The following PLCXD3 variants were observed in gnomAD, a reference collection of about 807,000 sequenced individuals.
PLCXD3 encodes the protein phosphatidylinositol specific phospholipase C X domain containing 3.
Under a neutral mutation model 25.5 loss-of-function variants are expected in PLCXD3, and 19 were observed. The observed-to-expected ratio is 0.75, with a 90% CI of 0.52 to 1.09. The LOEUF is 1.09. Among genes scored for constraint, PLCXD3 ranks in the 50% least tolerant of loss-of-function variants. The pLI is 0.00. For synonymous variants in PLCXD3, 174 were observed against 137.6 expected, an observed-to-expected ratio of 1.26 and a Z score of -1.85; for missense variants, 411 against 388.1, an observed-to-expected ratio of 1.06 and a Z score of -0.50.
intron 1 of PLCXD3, among the ~76,000 whole-genome samples, chr5:41,490,061 G>T (rs999290553): frequency 1.4e-4 from 22 of 151,968 alleles, no homozygotes; most frequent in African/African-American, 5.3e-4. Context: ...GTATGATATT[G>T]GCTGTGGGTT....
chr5:41,381,758 A>C, intron 2 of PLCXD3, 68 bp downstream of exon 2: 2 of 1,416,074 alleles, frequency 1.4e-6, no homozygotes, highest in South Asian at 1.4e-5. Flanking sequence ...CAGCTTCATC[A>C]CTTATGAGCT....
In PLCXD3 at chr5:41,451,999, A is replaced by C. The variant is rs895767001; in HGVS notation, c.103+58425T>G. 3.3e-5 allele frequency among the ~76,000 whole-genome samples: 5 copies of C among 152,022 alleles called. No homozygotes were observed. In the East Asian group the frequency reaches 7.7e-4, roughly 23 times the overall value. The stretch of plus-strand genomic sequence containing the variant: ...ATCTTGATTGCCATACTTTCAGCTA[A>C]GTCTTGTTTTCTGCTCAAGGGATTG... On this transcript the variant is annotated intron_variant, in intron 1 of 2. Transcript: ENST00000377801.
chr5:41,400,148 A>G (rs541485063), intron 1 of PLCXD3, among the ~76,000 whole-genome samples: 1 of 152,218 alleles, frequency 6.6e-6, no homozygotes, highest in Admixed American at 6.5e-5. Context: ...ATATCATCTC[A>G]CTCCAGTTAA....
chr5:41,490,213 T>C (rs1056310727), intron 1 of PLCXD3, among the ~76,000 whole-genome samples: 1 of 152,226 alleles, frequency 6.6e-6, no homozygotes, highest in African/African-American at 2.4e-5. Flanking sequence ...TTGTCTTTGG[T>C]TCTGTTTATA....
At chr5:41,337,791 T>C (rs1744026779) in intron 2 of PLCXD3, among the ~76,000 whole-genome samples, 1 of 152,146 alleles carries the variant, frequency 6.6e-6, no homozygotes, top group Non-Finnish European at 1.5e-5. Flanking sequence ...AAGTTGTTAA[T>C]TCTATAATTT....
chr5:41,336,478 A>AT (rs1297590910), intron 2 of PLCXD3, among the ~76,000 whole-genome samples: 1 of 152,084 alleles, frequency 6.6e-6, no homozygotes, highest in East Asian at 1.9e-4. Flanking sequence ...AGTTACTTTC[A>AT]TTTTTTCTAG....
At chr5:41,318,792 A>G (rs112297486) in intron 2 of PLCXD3, among the ~76,000 whole-genome samples, 17 of 152,156 alleles carry the variant, frequency 1.1e-4, no homozygotes, top group Non-Finnish European at 2.4e-4. Flanking sequence ...TCCAATCAAA[A>G]GACATAGCCT....
At chr5:41,401,623 C>A (rs751374359) in intron 1 of PLCXD3, among the ~76,000 whole-genome samples, 10 of 151,992 alleles carry the variant, frequency 6.6e-5, no homozygotes, top group Non-Finnish European at 1.3e-4. Flanking sequence ...AGTGATCTTG[C>A]TTTCTGGTTT....
In PLCXD3 at chr5:41,363,570, G is replaced by A. The variant is rs116785958; in HGVS notation, c.812+18256C>T. The stretch of plus-strand genomic sequence containing the variant: ...ATCCCATCAATGACAGAATGACTCC[G>A]AATCTTTTTAAGACTCCTTTATTGA... On this transcript the variant is annotated intron_variant, in intron 2 of 2. Coordinates refer to ENST00000377801, the MANE Select transcript of PLCXD3 (RefSeq NM_001005473.3). Among the ~76,000 whole-genome samples the A allele has an allele frequency of 4.5e-3, 692 of 152,184 alleles. 2 individuals are homozygous for A. The highest frequency in any genetic ancestry group is 0.016 in the African/African-American group (650 of 41,536).
intron 2 of PLCXD3, among the ~76,000 whole-genome samples, chr5:41,352,343 TC>T (rs1337682989): frequency 1.3e-5 from 2 of 152,202 alleles, no homozygotes; most frequent in African/African-American, 4.8e-5. Flanking sequence ...GTTCTCTTTT[TC>T]CCCAGGTTCA....
chr5:41,356,842 ATGT>A (rs1004247573), intron 2 of PLCXD3, among the ~76,000 whole-genome samples: 6 of 152,174 alleles, frequency 3.9e-5, no homozygotes, highest in African/African-American at 1.4e-4. Flanking sequence ...GGAGGGCTGC[ATGT>A]TGTTATCACA....
chr5:41,376,439 A>G (rs921757691), intron 2 of PLCXD3, among the ~76,000 whole-genome samples: 3 of 151,928 alleles, frequency 2.0e-5, no homozygotes, highest in African/African-American at 4.8e-5. Flanking sequence ...CCTCCTCAAT[A>G]TCTTCCTAAT....
chr5:41,465,962 C>A (rs3844180), intron 1 of PLCXD3, among the ~76,000 whole-genome samples: 93,728 of 151,922 alleles, frequency 0.62, 30,637 homozygotes, highest in Admixed American at 0.72. Context: ...AAGAAACTAT[C>A]TAATTACGTC....
chr5:41,484,265 A>C (rs891243886), intron 1 of PLCXD3, among the ~76,000 whole-genome samples: 8 of 136,320 alleles, frequency 5.9e-5, no homozygotes, highest in African/African-American at 2.1e-4. Context: ...ACACACACAC[A>C]CACACACTAA....
At chr5:41,334,244 G>A (rs1196053961) in intron 2 of PLCXD3, among the ~76,000 whole-genome samples, 6 of 151,164 alleles carry the variant, frequency 4.0e-5, no homozygotes, top group African/African-American at 7.3e-5. Flanking sequence ...TGTAAGATTA[G>A]CAATGATAAT....
At chr5:41,389,279 C>T (rs1224745085) in intron 1 of PLCXD3, among the ~76,000 whole-genome samples, 2 of 152,144 alleles carry the variant, frequency 1.3e-5, no homozygotes, top group Non-Finnish European at 2.9e-5. Context: ...ATACTGGCAT[C>T]AGAAAAGACC....
intron 1 of PLCXD3, among the ~76,000 whole-genome samples, chr5:41,505,191 T>G (rs1464642605): frequency 6.6e-6 from 1 of 152,138 alleles, no homozygotes; most frequent in African/African-American, 2.4e-5. Flanking sequence ...TGGTATCCAT[T>G]TAAGCAATTG....
At chr5:41,466,044 G>A (rs866122873) in intron 1 of PLCXD3, among the ~76,000 whole-genome samples, 1 of 151,920 alleles carries the variant, frequency 6.6e-6, no homozygotes, top group Non-Finnish European at 1.5e-5. Flanking sequence ...TTTTCCCCTA[G>A]ATCTCATTAA....
At chr5:41,435,910 C>A (rs1445397979) in intron 1 of PLCXD3, among the ~76,000 whole-genome samples, 2 of 152,310 alleles carry the variant, frequency 1.3e-5, no homozygotes, top group Admixed American at 1.3e-4. Flanking sequence ...CCTCATAGCC[C>A]TTGAAGTCAC....
Sources: allele counts gnomAD v4.1 joint callset (sites outside exome capture counted in the v4.1 genomes callset), GRCh38; gene constraint gnomAD v4.1.1; transcripts MANE v1.5; gene names NCBI Gene and HGNC (gene_info 2026-07-23, HGNC 2026-07-21).